Variants in C12orf42 observed in about 807,000 individuals in gnomAD.
The protein encoded by C12orf42 is chromosome 12 open reading frame 42.
In C12orf42, 25 loss-of-function variants were observed where a neutral mutation model predicts 21.6. The ratio of observed to expected loss-of-function variants is 1.16; its 90% CI spans 0.84 to 1.62. C12orf42 has a LOEUF of 1.62. C12orf42 is among the 40% of genes most tolerant of loss of function. C12orf42 has a pLI of 0.00. For synonymous variants in C12orf42, 174 were observed against 175.0 expected (o/e 0.99, Z 0.05); for missense variants, 483 against 459.3 (o/e 1.05, Z -0.47).
intron 2 of C12orf42, among the ~76,000 whole-genome samples, chr12:103,416,029 A>G (rs2049289548): frequency 2.7e-5 from 2 of 74,030 alleles, no homozygotes; most frequent in South Asian, 7.5e-4. Flanking sequence ...GTCTTTGTTT[A>G]GTGGGTTTTT....
intron 4 of C12orf42, among the ~76,000 whole-genome samples, chr12:103,286,994 C>G (rs1353888934): frequency 1.3e-5 from 2 of 149,414 alleles, no homozygotes; most frequent in Non-Finnish European, 3.0e-5. Flanking sequence ...CAAATCAAAA[C>G]CACAATGAGA....
At chr12:103,167,851 A>G in the C12orf42 span, among the ~76,000 whole-genome samples, 1 of 151,504 alleles carries the variant, frequency 6.6e-6, no homozygotes, top group Non-Finnish European at 1.5e-5. Flanking sequence ...AGAAAGAAAT[A>G]TGTAACATAC....
At chr12:103,148,342 C>G in the C12orf42 span, among the ~76,000 whole-genome samples, 1 of 152,194 alleles carries the variant, frequency 6.6e-6, no homozygotes, top group Non-Finnish European at 1.5e-5. Context: ...TTACCAATCT[C>G]AGACCAAAGT....
intron 4 of C12orf42, among the ~76,000 whole-genome samples, chr12:103,326,343 A>T (rs2040699479): frequency 6.6e-6 from 1 of 152,206 alleles, no homozygotes; most frequent in Non-Finnish European, 1.5e-5. Flanking sequence ...TCCAGCGGCC[A>T]CTCATAGACT....
At chr12:103,209,817 G>A in the C12orf42 span, among the ~76,000 whole-genome samples, 1 of 152,228 alleles carries the variant, frequency 6.6e-6, no homozygotes, top group Non-Finnish European at 1.5e-5. Flanking sequence ...GTACCCACAC[G>A]TCTATGTATA....
At chr12:103,393,407 T>C (rs139637724) in intron 3 of C12orf42, among the ~76,000 whole-genome samples, 1 of 152,120 alleles carries the variant, frequency 6.6e-6, no homozygotes, top group African/African-American at 2.4e-5. Flanking sequence ...TACCAAGCGA[T>C]GAGGGATCCA....
chr12:103,192,358 C>T, the C12orf42 span, among the ~76,000 whole-genome samples: 2 of 151,908 alleles, frequency 1.3e-5, no homozygotes, highest in African/African-American at 4.8e-5. Context: ...CATAAATTAG[C>T]TGGGTGTGGT....
chr12:103,142,141 C>T, the C12orf42 span, among the ~76,000 whole-genome samples: 1 of 152,168 alleles, frequency 6.6e-6, no homozygotes, highest in Admixed American at 6.5e-5. Flanking sequence ...ATGTGATTAT[C>T]AAGTTTGAGT....
the C12orf42 span, chr12:103,559,598 C>T: frequency 6.6e-6 from 1 of 152,196 alleles, no homozygotes. Flanking sequence ...AACCCCGTGA[C>T]ATCCCTGAGC....
At chr12:103,325,511 C>T (rs1233166533) in intron 4 of C12orf42, among the ~76,000 whole-genome samples, 1 of 152,194 alleles carries the variant, frequency 6.6e-6, no homozygotes. Context: ...AAGCAAACAG[C>T]CAGTATTCTC....
In C12orf42 at chr12:103,437,788, C is replaced by T. The variant is rs543467735; in HGVS notation, c.79-36113G>A. Among the ~76,000 whole-genome samples, 853 of 141,400 alleles carry T rather than the reference C, an allele frequency of 6.0e-3. 8 individuals carry two copies. The highest frequency in any genetic ancestry group is 0.02 in the African/African-American group (767 of 37,984). The allele number at this position is 141,400 out of a possible 152,430, so 92.8% of individuals were successfully genotyped here. On this transcript the variant is annotated intron_variant, in intron 2 of 5. Coordinates refer to ENST00000548883, the MANE Select transcript of C12orf42 (RefSeq NM_198521.5). The stretch of plus-strand genomic sequence containing the variant: ...ATAGCCTACCAACCAAAAAAAAAGT[C>T]CAGACCAGATGGATTCACAGCCAAA...
chr12:103,507,492 A>C, the C12orf42 span, among the ~76,000 whole-genome samples: 1 of 143,056 alleles, frequency 7.0e-6, no homozygotes, highest in Non-Finnish European at 1.5e-5. Context: ...TAACATAGTG[A>C]TACCCCATCT....
At chr12:103,158,616 C>A in the C12orf42 span, among the ~76,000 whole-genome samples, 1 of 152,150 alleles carries the variant, frequency 6.6e-6, no homozygotes, top group African/African-American at 2.4e-5. Flanking sequence ...TGTGGTGGCT[C>A]ATGCCCAAAA....
chr12:103,288,815 C>G (rs1177183609), intron 4 of C12orf42, among the ~76,000 whole-genome samples: 1 of 152,108 alleles, frequency 6.6e-6, no homozygotes, highest in East Asian at 1.9e-4. Flanking sequence ...GCAAAAAACA[C>G]AAATCCTGAA....
intron 2 of C12orf42, among the ~76,000 whole-genome samples, chr12:103,440,457 C>CAA: frequency 0.028 from 1,976 of 69,660 alleles, 219 homozygotes; most frequent in African/African-American, 0.1. Flanking sequence ...TCACAGATAC[C>CAA]AAAAAAAAAA....
At chr12:103,125,830 G>A in the C12orf42 span, among the ~76,000 whole-genome samples, 1 of 152,148 alleles carries the variant, frequency 6.6e-6, no homozygotes, top group Non-Finnish European at 1.5e-5. Flanking sequence ...GGAAAAGAAT[G>A]TCTTCACCAT....
chr12:103,265,923 G>A (rs1457929541), downstream of C12orf42, among the ~76,000 whole-genome samples: 2 of 149,252 alleles, frequency 1.3e-5, no homozygotes, highest in Non-Finnish European at 2.9e-5. Flanking sequence ...GTTCACCTTT[G>A]ATGTTCTTCT....
upstream of C12orf42, among the ~76,000 whole-genome samples, chr12:103,496,263 C>T (rs1029798916): frequency 1.3e-5 from 2 of 152,078 alleles, no homozygotes. Flanking sequence ...GTAGTAATCC[C>T]CAGAAATCCT....
the C12orf42 span, among the ~76,000 whole-genome samples, chr12:103,134,188 C>CA: frequency 1.3e-5 from 2 of 151,890 alleles, no homozygotes; most frequent in South Asian, 2.1e-4. Flanking sequence ...TGTAAGGACA[C>CA]AAAAAACTTG....
Sources: allele counts gnomAD v4.1 joint callset (sites outside exome capture counted in the v4.1 genomes callset), GRCh38; gene constraint gnomAD v4.1.1; transcripts MANE v1.5; gene names NCBI Gene and HGNC (gene_info 2026-07-23, HGNC 2026-07-21).